SYNPO: variants seen among roughly 807,000 people sequenced by gnomAD.
SYNPO encodes the protein synaptopodin.
Under a neutral mutation model 49.5 loss-of-function variants are expected in SYNPO, and 19 were observed. The ratio of observed to expected loss-of-function variants is 0.38; its 90% confidence interval spans 0.27 to 0.56. SYNPO has a LOEUF of 0.56. SYNPO is among the 20% of genes least tolerant of loss of function. The pLI is 0.68. For synonymous variants in SYNPO, 536 were observed against 548.0 expected (o/e 0.98, Z 0.31); for missense variants, 1,131 against 1,248.3 (o/e 0.91, Z 1.42).
At chr5:150,638,409 AG>A (rs1757789850), upstream of SYNPO, among the ~76,000 whole-genome samples, 1 of 152,224 alleles carries the variant, frequency 6.6e-6, no homozygotes, top group Non-Finnish European at 1.5e-5. Flanking sequence ...TCTTTGATCT[AG>A]AATCTAGATG....
chr5:150,612,424 C>G (rs1284421168), intron 1 of SYNPO, among the ~76,000 whole-genome samples: 2 of 152,204 alleles, frequency 1.3e-5, no homozygotes, highest in Admixed American at 6.5e-5. Flanking sequence ...TTCCTCCCTC[C>G]CATCCTTCCA....
rs1194152325 is a variant in SYNPO at position 150,648,262 on chromosome 5, T to A, written c.-14T>A. Reference sequence around the variant, plus strand: ...AGTCCCCAGAGCCCCGACAGAGGGGTCCCTGGCCACAGCATGGAGGGGTAC... The same window carrying A: ...AGTCCCCAGAGCCCCGACAGAGGGGACCCTGGCCACAGCATGGAGGGGTAC... On this transcript the variant is annotated 5_prime_UTR_variant, in exon 2 of 3. Coordinates refer to ENST00000307662, the MANE Select transcript of SYNPO (RefSeq NM_007286.6). The surrounding 1 kb of genome is among the most constrained non-coding windows in gnomAD (Gnocchi z 5.0). 3 of 1,613,602 alleles carry A rather than the reference T, an allele frequency of 1.9e-6. No individual in the cohort carries two copies. The highest frequency in any genetic ancestry group is 2.5e-6 in the Non-Finnish European group (3 of 1,179,868).
In SYNPO at chr5:150,609,983, C is replaced by T. The variant is rs538620568; in HGVS notation, c.-265-8120C>T. On this transcript the variant is annotated intron_variant, in intron 1 of 2. Coordinates refer to the SYNPO transcript ENST00000394243. The stretch of plus-strand genomic sequence containing the variant: ...CTGCCTGACCTCAGCCAGTCTCAGC[C>T]CCGTATTTATAGCCATGACTTCAGT... Among the ~76,000 whole-genome samples the T allele has an allele frequency of 1.1e-4, 16 of 152,350 alleles. No individual in the cohort carries two copies. In the South Asian group the frequency reaches 3.3e-3, roughly 32 times the overall value.
Position 150,649,098 on chromosome 5 carries a change from C to T in SYNPO, c.823C>T (p.Pro275Ser), listed in dbSNP as rs948548729. ...FGEKAPAPQP[P>S]SLPDRSPRPQ... ...GGAGAAGGCCCCGGCTCCCCAGCCC[C>T]CCAGTTTGCCAGACAGGAGCCCCCG... The change falls in exon 2 of 3, where the codon CCC becomes TCC. Residue 275 changes from proline (P) to serine (S), a missense_variant. By Grantham distance (74) the Pro-to-Ser change is moderately conservative (BLOSUM62 -1). Transcript: ENST00000307662. 2 of 1,613,902 alleles carry T rather than the reference C, an allele frequency of 1.2e-6. No homozygotes were observed. The highest frequency in any genetic ancestry group is 1.7e-6 in the Non-Finnish European group (2 of 1,179,814).
In SYNPO at chr5:150,640,756, A is replaced by C; in HGVS notation, c.-431A>C. 1.0e-6 allele frequency: 1 copy of C among 985,634 alleles called. No homozygotes were observed. The highest frequency in any genetic ancestry group is 1.2e-6 in the Non-Finnish European group (1 of 829,952). The allele number at this position is 985,634 out of a possible 1,614,324, so 61.1% of individuals were successfully genotyped here. On this transcript the variant is annotated 5_prime_UTR_variant, in exon 1 of 3. Transcript: ENST00000307662. The stretch of plus-strand genomic sequence containing the variant: ...TGGGATTTTCCTGGCTTCGTCAGCC[A>C]AGCAATTGGCTGCCTTTGCCGGAGG...
Position 150,656,593 on chromosome 5 carries a change from C to A in SYNPO, c.2218C>A (p.Leu740Met). The change falls in exon 3 of 3, where the codon CTG becomes ATG. Residue 740 changes from leucine (L) to methionine (M), a missense_variant. Physicochemically the swap from Leu to Met is conservative, Grantham distance 15. This residue lies in a region of SYNPO where 509 missense variants were observed against 484.5 expected (regional missense o/e 1.05). Coordinates refer to ENST00000307662, the MANE Select transcript of SYNPO (RefSeq NM_007286.6). The part of the protein sequence containing the change: ...PSWSERSVSP[L>M]RPETEARPPS... ...GTGGAGCGAGCGCTCGGTGTCCCCG[C>A]TGCGACCTGAGACCGAGGCGCGGCC... The A allele has an allele frequency of 6.6e-7, 1 of 1,520,660 alleles. No homozygotes were observed. Among genetic ancestry groups the A allele is most frequent in the Non-Finnish European group, 8.8e-7 (1 of 1,141,446 alleles). The allele number at this position is 1,520,660 out of a possible 1,614,324, so 94.2% of individuals were successfully genotyped here.
chr5:150,656,638 G>A lies in SYNPO; in HGVS notation c.2263G>A (p.Ala755Thr), dbSNP rs1758565820. ...GCGGCCCCCCAGCCGCCAGCTGCAGGCGCTTCTGGCGCGAAACATCATCAA... is the reference window on the plus strand; with the variant it reads ...GCGGCCCCCCAGCCGCCAGCTGCAGACGCTTCTGGCGCGAAACATCATCAA... The part of the protein sequence containing the change: ...EARPPSRQLQ[A>T]LLARNIINAA... Residue 755 changes from alanine (A) to threonine (T), a missense_variant, in exon 3 of 3, where the codon GCG (alanine) becomes ACG (threonine). Physicochemically the swap from Ala to Thr is moderately conservative, Grantham distance 58. Around this residue, in one of 4 missense-constraint regions of SYNPO, gnomAD observed 509 missense variants for 484.5 expected, o/e 1.05. Coordinates refer to ENST00000307662, the MANE Select transcript of SYNPO (RefSeq NM_007286.6). The A allele has an allele frequency of 6.6e-7, 1 of 1,508,078 alleles. No individual in the cohort carries two copies. Among genetic ancestry groups the A allele is most frequent in the African/African-American group, 1.4e-5 (1 of 69,282 alleles). The allele number at this position is 1,508,078 out of a possible 1,614,324, so 93.4% of individuals were successfully genotyped here. A position where few individuals can be genotyped will look rare whatever the true frequency, so the allele number is the denominator to read the frequency against.
intron 2 of SYNPO, among the ~76,000 whole-genome samples, chr5:150,620,938 T>TTTCTTTCC (rs1757147667): frequency 7.3e-6 from 1 of 136,548 alleles, no homozygotes; most frequent in Non-Finnish European, 1.5e-5. Flanking sequence ...TCTTTCTTTC[T>TTTCTTTCC]TTCTTTCTTT....
At chr5:150,586,736 C>T in the SYNPO span, among the ~76,000 whole-genome samples, 1 of 152,208 alleles carries the variant, frequency 6.6e-6, no homozygotes, top group Non-Finnish European at 1.5e-5. Flanking sequence ...GTTCACCAGA[C>T]TATCCTCAGG....
intron 2 of SYNPO, among the ~76,000 whole-genome samples, chr5:150,621,233 G>T (rs953795436): frequency 2.6e-5 from 4 of 152,170 alleles, no homozygotes; most frequent in African/African-American, 9.7e-5. Flanking sequence ...GATTATAGGC[G>T]TGAGCCACCG....
At chr5:150,603,134 C>A (rs867025862) in intron 1 of SYNPO, among the ~76,000 whole-genome samples, 1 of 152,060 alleles carries the variant, frequency 6.6e-6, no homozygotes, top group Admixed American at 6.6e-5. Flanking sequence ...AAGCTGGATG[C>A]CCAAGGTCAC....
chr5:150,620,981 T>A (rs112198776), intron 2 of SYNPO, among the ~76,000 whole-genome samples: 126 of 146,186 alleles, frequency 8.6e-4, no homozygotes, highest in Middle Eastern at 3.4e-3. Flanking sequence ...GAGATGGTAT[T>A]TTGCTCTGTC....
upstream of SYNPO, among the ~76,000 whole-genome samples, chr5:150,637,110 AG>A (rs1188305530): frequency 6.6e-6 from 1 of 152,202 alleles, no homozygotes; most frequent in African/African-American, 2.4e-5. Flanking sequence ...GATTTACTGA[AG>A]GTAGCCCAGC....
In SYNPO at chr5:150,653,814, C is replaced by A. The variant is rs544133144; in HGVS notation, c.2029-2590C>A. The A allele has an allele frequency of 2.6e-5, 4 of 152,348 alleles. No homozygotes were observed. In the East Asian group the frequency reaches 7.7e-4, roughly 29 times the overall value. 9.4% of individuals were successfully genotyped at this position (152,348 alleles called of 1,614,324 possible). A position where few individuals can be genotyped will look rare whatever the true frequency, so the allele number is the denominator to read the frequency against. ...AAAACAGTGGGATCCCAGGCTGAGC[C>A]TTAACTTTCAGCTTGATGACTGGGA... On this transcript the variant is annotated intron_variant, in intron 2 of 2. Coordinates refer to ENST00000307662, the MANE Select transcript of SYNPO (RefSeq NM_007286.6).
intron 2 of SYNPO, among the ~76,000 whole-genome samples, chr5:150,626,865 GACA>G (rs1561642781): frequency 6.6e-6 from 1 of 152,176 alleles, no homozygotes; most frequent in African/African-American, 2.4e-5. Context: ...GGTGAATGGC[GACA>G]TGAGTGTCCA....
At chr5:150,615,901 G>T (rs1357939284) in intron 1 of SYNPO, among the ~76,000 whole-genome samples, 1 of 152,216 alleles carries the variant, frequency 6.6e-6, no homozygotes, top group African/African-American at 2.4e-5. Context: ...TCTGAAATGG[G>T]ATAATAATAA....
At chr5:150,655,017 C>A (rs924478855) in intron 2 of SYNPO, among the ~76,000 whole-genome samples, 1 of 151,922 alleles carries the variant, frequency 6.6e-6, no homozygotes, top group Admixed American at 6.6e-5. Flanking sequence ...CCCAGCTACT[C>A]GGGAGGCTGA....
chr5:150,649,345 A>G lies in SYNPO; in HGVS notation c.1070A>G (p.Gln357Arg). 1 of 1,614,214 alleles carries G rather than the reference A, an allele frequency of 6.2e-7. No individual in the cohort carries two copies. Residue 357 changes from glutamine to arginine, a missense_variant, in exon 2 of 3, where the codon CAG (glutamine) becomes CGG (arginine). Physicochemically the swap from Gln to Arg is conservative, Grantham distance 43. Transcript: ENST00000307662. ...CCCAAGTCTTCTCATCTGAAGGGCC[A>G]GGCGGTTCCTGCCAGCAAGACGGGC... ...SDPKSSHLKG[Q>R]AVPASKTGIL...
At chr5:150,643,924 C>G (rs988836242) in intron 1 of SYNPO, among the ~76,000 whole-genome samples, 4 of 152,008 alleles carry the variant, frequency 2.6e-5, no homozygotes, top group African/African-American at 9.7e-5. Flanking sequence ...CCTGTAATCC[C>G]AGCACTTTGG....
Sources: gnomAD v4.1 joint callset for allele counts (sites outside exome capture counted in the v4.1 genomes callset) on GRCh38, gnomAD v4.1.1 for gene constraint, gnomAD v4.1.1 regional missense constraint, Gnocchi (gnomAD v3.1) non-coding constraint, MANE v1.5 for transcripts, NCBI Gene and HGNC (gene_info 2026-07-23, HGNC 2026-07-21) for gene names.